The following LPP variants were observed in gnomAD, a reference collection of about 807,000 sequenced individuals.
LPP encodes lipoma-preferred partner.
In LPP, 38 loss-of-function variants were observed where a neutral mutation model predicts 60.4. The observed-to-expected ratio is 0.63, with a 90% CI of 0.49 to 0.83. LPP has a LOEUF of 0.83. LPP is among the 40% of genes least tolerant of loss of function. The pLI is 0.00. For synonymous variants in LPP, 328 were observed against 290.8 expected, an observed-to-expected ratio of 1.13 and a Z score of -1.30; for missense variants, 902 against 783.6, an observed-to-expected ratio of 1.15 and a Z score of -1.80.
At chr3:188,233,130 A>G (rs187977549) in intron 2 of LPP, among the ~76,000 whole-genome samples, 2 of 152,292 alleles carry the variant, frequency 1.3e-5, no homozygotes, top group East Asian at 1.9e-4. Flanking sequence ...CTGAATAATT[A>G]ATAGCCTCAA....
intron 2 of LPP, among the ~76,000 whole-genome samples, chr3:188,289,660 T>C (rs1745278009): frequency 6.6e-6 from 1 of 152,062 alleles, no homozygotes; most frequent in South Asian, 2.1e-4. Flanking sequence ...ATGGTACCAC[T>C]TGGCAAAAAA....
chr3:188,318,753 C>CTTTTTTTTTTTTTTTTTTTT (rs10708836), intron 2 of LPP, among the ~76,000 whole-genome samples: 12 of 96,832 alleles, frequency 1.2e-4, no homozygotes, highest in East Asian at 6.0e-4. Flanking sequence ...AATTATGATT[C>CTTTTTTTTTTTTTTTTTTTT]TTTTTTTTTT....
At chr3:188,184,688 T>C (rs1380115325) in intron 1 of LPP, among the ~76,000 whole-genome samples, 2 of 147,700 alleles carry the variant, frequency 1.4e-5, no homozygotes, top group Non-Finnish European at 3.0e-5. Flanking sequence ...CGGTAAACTT[T>C]TTTTTTTTTT....
intron 5 of LPP, among the ~76,000 whole-genome samples, chr3:188,519,029 G>C (rs1001178739): frequency 1.2e-4 from 19 of 152,044 alleles, no homozygotes; most frequent in Non-Finnish European, 2.4e-4. Context: ...CAATCATTAA[G>C]GCCATAGTTA....
intron 3 of LPP, among the ~76,000 whole-genome samples, chr3:188,342,230 G>A (rs1004013008): frequency 6.6e-6 from 1 of 152,104 alleles, no homozygotes; most frequent in Non-Finnish European, 1.5e-5. Context: ...AGAATCCAAA[G>A]CCACAACAGA....
chr3:188,746,415 T>C (rs1726226155), intron 8 of LPP: 2 of 474,260 alleles, frequency 4.2e-6, no homozygotes, highest in South Asian at 1.5e-5. Flanking sequence ...TGGCCACAAA[T>C]ATGTGCACAG....
chr3:188,705,618 T>G (rs1024896289), intron 7 of LPP, among the ~76,000 whole-genome samples: 2 of 151,936 alleles, frequency 1.3e-5, no homozygotes, highest in Non-Finnish European at 2.9e-5. Flanking sequence ...TTTTTTTAAT[T>G]TTTTCTTTTT....
At chr3:188,407,209 C>T (rs1370205441) in intron 4 of LPP, among the ~76,000 whole-genome samples, 2 of 151,846 alleles carry the variant, frequency 1.3e-5, no homozygotes, top group Non-Finnish European at 2.9e-5. Context: ...ATCTTACCCT[C>T]TTCATGATGT....
At chr3:188,465,279 G>A (rs1800100204) in intron 4 of LPP, among the ~76,000 whole-genome samples, 2 of 152,144 alleles carry the variant, frequency 1.3e-5, no homozygotes, top group Non-Finnish European at 2.9e-5. Context: ...AGGACCTGGT[G>A]TTTGGTTTGT....
chr3:188,265,870 G>GGTGTGTGTGTGT lies in LPP; in HGVS notation c.-67+40366_-67+40377dup, dbSNP rs55722565. 1.7e-3 allele frequency among the ~76,000 whole-genome samples: 247 copies of GGTGTGTGTGTGT among 143,422 alleles called. 1 individual carries two copies. Among genetic ancestry groups the GGTGTGTGTGTGT allele is most frequent in the African/African-American group, 3.1e-3 (120 of 38,428 alleles). The allele number at this position is 143,422 out of a possible 152,430, so 94.1% of individuals were successfully genotyped here. A position where few individuals can be genotyped will look rare whatever the true frequency, so the allele number is the denominator to read the frequency against. ...AAAAGGGCTGTGATAGGATTACTCT[G>GGTGTGTGTGTGT]GTGTGTGTGTGTGTGTGTGTGTGTG... On this transcript the variant is annotated intron_variant, in intron 2 of 11. Coordinates refer to ENST00000617246, the MANE Select transcript of LPP (RefSeq NM_001375462.1).
At chr3:188,601,685 C>G (rs559388913) in intron 6 of LPP, among the ~76,000 whole-genome samples, 1 of 152,134 alleles carries the variant, frequency 6.6e-6, no homozygotes, top group Admixed American at 6.6e-5. Flanking sequence ...GGTTTATCTA[C>G]AATAACTTGC....
chr3:188,658,226 C>G (rs1200964363), intron 7 of LPP, among the ~76,000 whole-genome samples: 2 of 150,976 alleles, frequency 1.3e-5, no homozygotes, highest in African/African-American at 4.9e-5. Flanking sequence ...TCACTGCAAC[C>G]TCTGCCTCCC....
rs1323426503 is a variant in LPP, at chr3:188,477,359, A to AT, written c.194-7232dup. ...AGTAGTAGCTGGATCAGTCAAATTA[A>AT]TAACCCCTTCCTTGTCAGAGAGAAG... On this transcript the variant is annotated intron_variant, in intron 4 of 11. Transcript: ENST00000617246. Among the ~76,000 whole-genome samples, 20 of 152,356 alleles carry AT rather than the reference A, an allele frequency of 1.3e-4. No individual in the cohort carries two copies. The South Asian group carries it at 4.1e-3, about 32-fold the overall frequency.
chr3:188,588,741 T>C (rs1237167243), intron 6 of LPP, among the ~76,000 whole-genome samples: 1 of 152,212 alleles, frequency 6.6e-6, no homozygotes, highest in East Asian at 1.9e-4. Context: ...CCTTAGCCTT[T>C]TGTCTATGTC....
chr3:188,558,208 A>G (rs1053727996), intron 6 of LPP, among the ~76,000 whole-genome samples: 2 of 152,096 alleles, frequency 1.3e-5, no homozygotes, highest in African/African-American at 2.4e-5. Flanking sequence ...ACGAAAACGC[A>G]TGTATTCATA....
intron 6 of LPP, among the ~76,000 whole-genome samples, chr3:188,548,647 G>T (rs917871117): frequency 6.6e-6 from 1 of 152,156 alleles, no homozygotes; most frequent in African/African-American, 2.4e-5. Context: ...TCTTTGGGAT[G>T]AAGAAGAGGA....
intron 5 of LPP, among the ~76,000 whole-genome samples, chr3:188,522,834 T>TGTGTGTGTAC (rs1426561073): frequency 2.0e-5 from 3 of 148,226 alleles, no homozygotes; most frequent in African/African-American, 7.5e-5. Flanking sequence ...TGTGTGTGTA[T>TGTGTGTGTAC]GTGTGTGTAC....
intron 3 of LPP, among the ~76,000 whole-genome samples, chr3:188,366,803 C>T (rs1475869048): frequency 6.6e-6 from 1 of 152,192 alleles, no homozygotes; most frequent in Non-Finnish European, 1.5e-5. Context: ...GCCTGTGCTG[C>T]AGGCTTTCAG....
At chr3:188,542,172 G>A (rs955143652) in intron 6 of LPP, among the ~76,000 whole-genome samples, 3 of 152,098 alleles carry the variant, frequency 2.0e-5, no homozygotes, top group African/African-American at 7.2e-5. Context: ...AATGTCAACT[G>A]TTTGATCTCT....
Sources: allele counts gnomAD v4.1 joint callset (sites outside exome capture counted in the v4.1 genomes callset), GRCh38; gene constraint gnomAD v4.1.1; transcripts MANE v1.5; gene names NCBI Gene and HGNC (gene_info 2026-07-23, HGNC 2026-07-21).